AGBL1: variants seen among roughly 807,000 people sequenced by gnomAD.
The protein encoded by AGBL1 is cytosolic carboxypeptidase 4.
A neutral mutation model predicts 118.9 loss-of-function variants in AGBL1; 130 were observed. That is an observed-to-expected ratio of 1.09 (90% confidence interval 0.95 to 1.26). AGBL1 has a LOEUF of 1.26. Ranked by LOEUF, AGBL1 falls within the 50% of genes most tolerant of loss-of-function variation. AGBL1 has a pLI of 0.00. For synonymous variants in AGBL1, 555 were observed against 478.9 expected, an observed-to-expected ratio of 1.16 and a Z score of -2.08; for missense variants, 1,584 against 1,298.1, an observed-to-expected ratio of 1.22 and a Z score of -3.38.
chr15:86,798,422 T>A (rs1408164562), intron 22 of AGBL1, among the ~76,000 whole-genome samples: 2 of 152,084 alleles, frequency 1.3e-5, no homozygotes, highest in East Asian at 3.9e-4. Context: ...CATGGGATTA[T>A]TAAAAGAATC....
chr15:86,377,766 C>A (rs2081060034), intron 17 of AGBL1, among the ~76,000 whole-genome samples: 1 of 152,152 alleles, frequency 6.6e-6, no homozygotes, highest in Non-Finnish European at 1.5e-5. Flanking sequence ...ATATTCCCAG[C>A]CCATTCCTAC....
chr15:86,152,164 C>G (rs1046056176), intron 3 of AGBL1, among the ~76,000 whole-genome samples: 1 of 111,786 alleles, frequency 8.9e-6, no homozygotes, highest in Non-Finnish European at 1.7e-5. Flanking sequence ...TTGGAAAAAA[C>G]TATTTTTAAA....
Position 86,200,555 on chromosome 15 carries a change from C to G in AGBL1, c.489-24359C>G, listed in dbSNP as rs887338247. ...CTCTAGAGTAATAGACCCCTACCCC[C>G]CCCCCCCTTTTTTTTTTGCTCCCAT... On this transcript the variant is annotated intron_variant, in intron 5 of 22. Coordinates refer to ENST00000614907, the MANE Select transcript of AGBL1 (RefSeq NM_001386094.1). 2.8e-5 allele frequency among the ~76,000 whole-genome samples: 4 copies of G among 141,198 alleles called. No homozygotes were observed. In the South Asian group the frequency reaches 7.3e-4, roughly 26 times the overall value. The allele number at this position is 141,198 out of a possible 152,430, so 92.6% of individuals were successfully genotyped here. A position where few individuals can be genotyped will look rare whatever the true frequency, so the allele number is the denominator to read the frequency against.
At chr15:86,832,677 C>G (rs998684221) in intron 22 of AGBL1, among the ~76,000 whole-genome samples, 3 of 152,210 alleles carry the variant, frequency 2.0e-5, no homozygotes, top group Non-Finnish European at 4.4e-5. Context: ...ATATCACTGT[C>G]AGCATTTTGG....
chr15:86,736,025 C>T (rs867429649), intron 22 of AGBL1, among the ~76,000 whole-genome samples: 135 of 152,142 alleles, frequency 8.9e-4, no homozygotes, highest in African/African-American at 3.0e-3. Flanking sequence ...ACCAAGTTTA[C>T]TGCAGCAAGG....
intron 1 of AGBL1, among the ~76,000 whole-genome samples, chr15:86,125,490 C>T (rs889159030): frequency 7.9e-5 from 12 of 152,178 alleles, no homozygotes; most frequent in Non-Finnish European, 1.8e-4. Flanking sequence ...CTGCTGGCAT[C>T]CTCTGAGTCC....
At chr15:86,901,645 G>A (rs907830563) in intron 22 of AGBL1, among the ~76,000 whole-genome samples, 1 of 151,978 alleles carries the variant, frequency 6.6e-6, no homozygotes, top group Admixed American at 6.6e-5. Context: ...CCATGTTTTT[G>A]TTGGTGATTT....
intron 22 of AGBL1, among the ~76,000 whole-genome samples, chr15:86,780,747 T>A (rs2078325043): frequency 6.6e-6 from 1 of 151,712 alleles, no homozygotes; most frequent in South Asian, 2.1e-4. Context: ...CACTGCGACT[T>A]CCACCTCCCG....
chr15:86,119,280 T>C (rs1897945772), intron 1 of AGBL1, among the ~76,000 whole-genome samples: 1 of 152,110 alleles, frequency 6.6e-6, no homozygotes, highest in Admixed American at 6.5e-5. Flanking sequence ...CTGTGTCTCC[T>C]GAGTGAACTG....
At chr15:86,869,225 G>A (rs2079683889) in intron 22 of AGBL1, among the ~76,000 whole-genome samples, 1 of 152,118 alleles carries the variant, frequency 6.6e-6, no homozygotes, top group Non-Finnish European at 1.5e-5. Context: ...CTAGCATGGA[G>A]GTGGGAGATA....
At chr15:86,566,205 C>T (rs764494893) in intron 21 of AGBL1, among the ~76,000 whole-genome samples, 8 of 152,188 alleles carry the variant, frequency 5.3e-5, no homozygotes, top group Non-Finnish European at 1.0e-4. Context: ...ATACATCACC[C>T]GTCTTCTGCA....
chr15:86,740,135 G>A (rs2141233406), intron 22 of AGBL1, among the ~76,000 whole-genome samples: 1 of 152,316 alleles, frequency 6.6e-6, no homozygotes, highest in Admixed American at 6.5e-5. Flanking sequence ...AGCCCAGCAA[G>A]TACATTTCAT....
intron 18 of AGBL1, among the ~76,000 whole-genome samples, chr15:86,431,373 C>A (rs866039312): frequency 9.2e-5 from 14 of 152,304 alleles, no homozygotes; most frequent in Admixed American, 5.2e-4. Flanking sequence ...AACCTATACA[C>A]GTGGACAGCT....
intron 19 of AGBL1, among the ~76,000 whole-genome samples, chr15:86,540,295 C>T (rs1050230670): frequency 1.3e-5 from 2 of 152,112 alleles, no homozygotes; most frequent in African/African-American, 4.8e-5. Context: ...TGATAAACAA[C>T]AAGATAGGGC....
intron 22 of AGBL1, among the ~76,000 whole-genome samples, chr15:86,783,082 G>A (rs1326672573): frequency 6.6e-6 from 1 of 152,182 alleles, no homozygotes; most frequent in Non-Finnish European, 1.5e-5. Context: ...CCATGAAATT[G>A]TTTTACTCCT....
intron 18 of AGBL1, among the ~76,000 whole-genome samples, chr15:86,495,438 C>A (rs1394253377): frequency 2.0e-5 from 3 of 147,850 alleles, no homozygotes; most frequent in Non-Finnish European, 3.0e-5. Context: ...ATTAAAAAAA[C>A]CTTATAAAAA....
intron 17 of AGBL1, among the ~76,000 whole-genome samples, chr15:86,358,000 A>G (rs751953447): frequency 3.9e-5 from 6 of 152,134 alleles, no homozygotes; most frequent in Admixed American, 1.3e-4. Flanking sequence ...TAATATATCT[A>G]TCACCTCACA....
chr15:86,179,896 T>G (rs1264568821), intron 5 of AGBL1, among the ~76,000 whole-genome samples: 1 of 152,130 alleles, frequency 6.6e-6, no homozygotes, highest in African/African-American at 2.4e-5. Flanking sequence ...TTCTACATAG[T>G]GCAACAAATT....
Position 86,449,075 on chromosome 15 carries a change from A to T in AGBL1, c.2555+51529A>T, listed in dbSNP as rs1044346268. 4.6e-5 allele frequency among the ~76,000 whole-genome samples: 7 copies of T among 152,176 alleles called. No homozygotes were observed. In the South Asian group the frequency reaches 8.3e-4, roughly 18 times the overall value. On this transcript the variant is annotated intron_variant, in intron 18 of 22. Coordinates refer to ENST00000614907, the MANE Select transcript of AGBL1 (RefSeq NM_001386094.1). Reference sequence around the variant, plus strand: ...ACAGATACAAAGCCCCATAAAGAGTATATACCGAGAAAATATGAGGATCAA... The same window carrying T: ...ACAGATACAAAGCCCCATAAAGAGTTTATACCGAGAAAATATGAGGATCAA...
Sources: gnomAD v4.1 joint callset for allele counts (sites outside exome capture counted in the v4.1 genomes callset) on GRCh38, gnomAD v4.1.1 for gene constraint, MANE v1.5 for transcripts, NCBI Gene and HGNC (gene_info 2026-07-23, HGNC 2026-07-21) for gene names.